The following NAV3 variants were observed in gnomAD, a reference collection of about 807,000 sequenced individuals.
The protein encoded by NAV3 is neuron navigator 3.
NAV3 carries 87 observed loss-of-function variants against 244.7 expected under a neutral mutation model. The observed-to-expected ratio is 0.36, with a 90% confidence interval of 0.30 to 0.42. The LOEUF (loss-of-function observed/expected upper bound fraction) is 0.42. Among genes scored for constraint, NAV3 ranks in the 20% least tolerant of loss-of-function variants. The probability of loss-of-function intolerance (pLI) is 1.00; values close to 1 mark genes in which losing one functional copy is unlikely to be tolerated. For missense variants in NAV3, 2,663 were observed against 2,893.3 expected (o/e 0.92, Z 1.83); for synonymous variants, 1,126 against 1,042.2 (o/e 1.08, Z -1.55).
In NAV3 at chr12:77,667,829, C is replaced by G. The variant is rs190798054; in HGVS notation, c.72+95563C>G. 5.1e-4 allele frequency among the ~76,000 whole-genome samples: 77 copies of G among 152,258 alleles called. 1 individual carries two copies. Among genetic ancestry groups the G allele is most frequent in the Non-Finnish European group, 1.5e-4 (10 of 68,026 alleles). ...CACTCTTGAAAGCACCACCTTCTGT[C>G]TGGAGGCCAACCAACACAAAACTGG... On this transcript the variant is annotated intron_variant, in intron 2 of 8. Coordinates refer to the NAV3 transcript ENST00000550042.
intron 2 of NAV3, among the ~76,000 whole-genome samples, chr12:77,777,272 T>C (rs1870409998): frequency 6.6e-6 from 1 of 152,174 alleles, no homozygotes; most frequent in South Asian, 2.1e-4. Context: ...TATAATGAAA[T>C]ATATATACAA....
chr12:77,743,375 T>C (rs1868378292), intron 2 of NAV3, among the ~76,000 whole-genome samples: 1 of 151,848 alleles, frequency 6.6e-6, no homozygotes, highest in African/African-American at 2.4e-5. Flanking sequence ...ATCCCTAAAC[T>C]CCATGTTGTT....
chr12:77,598,298 A>T (rs565093859), intron 2 of NAV3, among the ~76,000 whole-genome samples: 32 of 152,190 alleles, frequency 2.1e-4, no homozygotes, highest in African/African-American at 7.7e-4. Context: ...GTATGGATGT[A>T]TCCCAATCTA....
At chr12:77,703,082 A>T (rs758130317) in intron 2 of NAV3, among the ~76,000 whole-genome samples, 24 of 152,048 alleles carry the variant, frequency 1.6e-4, no homozygotes, top group South Asian at 8.3e-4. Context: ...TTATTTTATC[A>T]TGTCGTTTGA....
At chr12:77,786,149 C>A (rs976131065) in intron 2 of NAV3, among the ~76,000 whole-genome samples, 2 of 152,106 alleles carry the variant, frequency 1.3e-5, no homozygotes, top group Non-Finnish European at 2.9e-5. Context: ...CTATTTAAGT[C>A]ATTTCTCCAG....
At position 77,969,095 on chromosome 12, in the gene NAV3, G is replaced by A. The variant is rs368001886; in HGVS notation, c.671+393G>A. ...TTAATTAAGTCTGTCAGAAATTTCAGGTCTGTTAAACATAGGAGTTTGAAG... is the reference window on the plus strand; with the variant it reads ...TTAATTAAGTCTGTCAGAAATTTCAAGTCTGTTAAACATAGGAGTTTGAAG... On this transcript the variant is annotated intron_variant, in intron 5 of 39. Coordinates refer to ENST00000397909, the MANE Select transcript of NAV3 (RefSeq NM_001024383.2). Among the ~76,000 whole-genome samples, 20 of 151,754 alleles carry A rather than the reference G, an allele frequency of 1.3e-4. No homozygotes were observed. The East Asian group carries it at 2.5e-3, about 19-fold the overall frequency.
At chr12:78,086,747 A>C (rs1953657983) in intron 12 of NAV3, among the ~76,000 whole-genome samples, 1 of 152,046 alleles carries the variant, frequency 6.6e-6, no homozygotes, top group East Asian at 1.9e-4. Flanking sequence ...ACATTTCTGC[A>C]GCACCCCCTG....
chr12:78,155,813 T>G (rs927795604), intron 22 of NAV3, among the ~76,000 whole-genome samples: 1 of 152,112 alleles, frequency 6.6e-6, no homozygotes, highest in Non-Finnish European at 1.5e-5. Flanking sequence ...ATATCCTGTC[T>G]ATTCATGTCT....
chr12:77,612,288 G>A (rs1196116352), intron 2 of NAV3, among the ~76,000 whole-genome samples: 1 of 152,108 alleles, frequency 6.6e-6, no homozygotes, highest in African/African-American at 2.4e-5. Flanking sequence ...CAATCATTAT[G>A]TGCACTTGTA....
intron 1 of NAV3, among the ~76,000 whole-genome samples, chr12:77,931,912 TTGTGTGTG>T (rs10618242): frequency 2.0e-5 from 3 of 150,686 alleles, no homozygotes; most frequent in South Asian, 2.1e-4. Flanking sequence ...GCGTGTGTGT[TTGTGTGTG>T]TGTGTGTGTG....
In NAV3 at chr12:78,122,106, G is replaced by A. The variant is rs140781984; in HGVS notation, c.3916G>A (p.Gly1306Ser). ...CATGGGCAGTGCTGGTGGGCTAAGC[G>A]GCAGCAGCAGCCCTCTCTTCAATAA... ...GSMGSAGGLSGSSSPLFNKPS... is the reference protein window; with the variant it reads ...GSMGSAGGLSSSSSPLFNKPS... Residue 1306 changes from glycine to serine, a missense_variant, in exon 16 of 40, where the codon GGC (glycine) becomes AGC (serine). Coordinates refer to ENST00000397909, the MANE Select transcript of NAV3 (RefSeq NM_001024383.2). 1.7e-5 allele frequency: 27 copies of A among 1,614,138 alleles called. No individual in the cohort carries two copies. The highest frequency in any genetic ancestry group is 1.6e-4 in the Middle Eastern group (1 of 6,062).
intron 24 of NAV3, among the ~76,000 whole-genome samples, chr12:78,175,069 G>T (rs1263370390): frequency 1.3e-5 from 2 of 151,892 alleles, no homozygotes; most frequent in East Asian, 1.9e-4. Flanking sequence ...TCATTAAACT[G>T]CCAGGGCTAT....
chr12:77,805,575 T>C (rs1197277560), intron 2 of NAV3, among the ~76,000 whole-genome samples: 1 of 152,172 alleles, frequency 6.6e-6, no homozygotes, highest in Non-Finnish European at 1.5e-5. Context: ...TTGCCAGTAT[T>C]TTATTGAGTA....
rs1555232579 is a variant in NAV3, at chr12:77,928,242, AAG to A, written c.244-12068_244-12067del. On this transcript the variant is annotated intron_variant, in intron 1 of 39. Coordinates refer to ENST00000397909, the MANE Select transcript of NAV3 (RefSeq NM_001024383.2). ...CGCCTCAAAAAAAAAAAAAAAAAAA[AAG>A]AGAGAGAGGGAAGGAAAATGCTGAC... Among the ~76,000 whole-genome samples the A allele has an allele frequency of 7.1e-3, 975 of 137,846 alleles. 138 individuals carry two copies. The highest frequency in any genetic ancestry group is 0.017 in the Middle Eastern group (4 of 242). The allele number at this position is 137,846 out of a possible 152,430, so 90.4% of individuals were successfully genotyped here. A position where few individuals can be genotyped will look rare whatever the true frequency, so the allele number is the denominator to read the frequency against.
Position 77,794,039 on chromosome 12 carries a change from A to C in NAV3, c.73-146280A>C, listed in dbSNP as rs1294786073. On this transcript the variant is annotated intron_variant, in intron 2 of 8. Transcript: ENST00000550042. Reference sequence around the variant, plus strand: ...TTCCAACTGGCATGAGATGGATCTCATTGTGGTTTTGATTTGCATTTCTCC... The same window carrying C: ...TTCCAACTGGCATGAGATGGATCTCCTTGTGGTTTTGATTTGCATTTCTCC... Among the ~76,000 whole-genome samples the C allele has an allele frequency of 3.3e-5, 5 of 152,228 alleles. No individual in the cohort carries two copies. In the East Asian group the frequency reaches 9.6e-4, roughly 29 times the overall value.
chr12:78,071,404 G>GT (rs993253466), intron 12 of NAV3, among the ~76,000 whole-genome samples: 4 of 151,310 alleles, frequency 2.6e-5, no homozygotes, highest in African/African-American at 7.3e-5. Flanking sequence ...GGGGTTGTTT[G>GT]TTTTTTTTCT....
chr12:77,970,514 T>A (rs914703490), intron 5 of NAV3, among the ~76,000 whole-genome samples: 1 of 152,170 alleles, frequency 6.6e-6, no homozygotes, highest in Non-Finnish European at 1.5e-5. Context: ...CATCAGTGAA[T>A]TTTTAAATAA....
chr12:78,088,071 A>G (rs1165183680), intron 12 of NAV3, among the ~76,000 whole-genome samples: 1 of 150,932 alleles, frequency 6.6e-6, no homozygotes, highest in Non-Finnish European at 1.5e-5. Context: ...TATATCTCAT[A>G]TATATTATGA....
At chr12:77,727,425 G>T (rs1047633152) in intron 2 of NAV3, among the ~76,000 whole-genome samples, 1 of 148,872 alleles carries the variant, frequency 6.7e-6, no homozygotes, top group Admixed American at 6.6e-5. Context: ...CTCTTAAGAG[G>T]AACAATTTTT....
Sources: allele counts gnomAD v4.1 joint callset (sites outside exome capture counted in the v4.1 genomes callset), GRCh38; gene constraint gnomAD v4.1.1; transcripts MANE v1.5; gene names NCBI Gene and HGNC (gene_info 2026-07-23, HGNC 2026-07-21).